The following SLC4A5 variants were observed in gnomAD, a reference collection of about 807,000 sequenced individuals.
The protein encoded by SLC4A5 is solute carrier family 4 member 5.
SLC4A5 carries 96 observed loss-of-function variants against 120.4 expected under a neutral mutation model. The observed-to-expected ratio is 0.80, with a 90% CI of 0.68 to 0.94. SLC4A5 has a LOEUF of 0.94. SLC4A5 is among the 40% of genes least tolerant of loss of function. The pLI, the probability that SLC4A5 is intolerant of heterozygous loss-of-function variation, is 0.00. For missense variants in SLC4A5, 1,259 were observed against 1,459.5 expected (o/e 0.86, Z 2.24); for synonymous variants, 550 against 571.1 (o/e 0.96, Z 0.53).
intron 8 of SLC4A5, among the ~76,000 whole-genome samples, chr2:74,279,073 ACT>A (rs759829983): frequency 9.2e-5 from 14 of 151,908 alleles, no homozygotes; most frequent in Middle Eastern, 3.4e-3. Context: ...CCTTTAAATG[ACT>A]CTCTTTTCCC....
In SLC4A5 at chr2:74,252,369, C is replaced by A. The variant is rs566298347; in HGVS notation, c.1288G>T (p.Ala430Ser). 1.9e-5 allele frequency: 30 copies of A among 1,613,468 alleles called. No homozygotes were observed. The East Asian group carries it at 6.0e-4, about 32-fold the overall frequency. The change falls in exon 16 of 31, where the codon GCA becomes TCA. Residue 430 changes from alanine (A) to serine (S), a missense_variant. Physicochemically the swap from Ala to Ser is moderately conservative, Grantham distance 99 (BLOSUM62 1). Coordinates refer to ENST00000394019, the Ensembl canonical transcript of SLC4A5. ...GAGCCATTCATCTGGCCCAGCTCTG[C>A]TAGGGAGAACACAGATTTCCTGGAA...
intron 7 of SLC4A5, among the ~76,000 whole-genome samples, chr2:74,302,040 C>A (rs930949729): frequency 2.6e-5 from 4 of 152,110 alleles, no homozygotes; most frequent in Non-Finnish European, 5.9e-5. Flanking sequence ...TGGAATAAAA[C>A]CCTAATTAGT....
intron 20 of SLC4A5, among the ~76,000 whole-genome samples, chr2:74,241,249 A>ATATTATTATTATTAT (rs145522219): frequency 0.013 from 1,807 of 140,754 alleles, 43 homozygotes; most frequent in African/African-American, 0.045. Flanking sequence ...TGTGCGTGTC[A>ATATTATTATTATTAT]TATTATTATT....
chr2:74,307,576 C>A, intron 6 of SLC4A5: 1 of 679,456 alleles, frequency 1.5e-6, no homozygotes, highest in South Asian at 1.4e-5. Context: ...TGGGCATTGT[C>A]CACAGTATTT....
exon 16 of SLC4A5, chr2:74,252,255 C>T (rs764542611): frequency 1.3e-5 from 21 of 1,607,618 alleles, no homozygotes; most frequent in Admixed American, 5.0e-5. Context: ...CTTGTTCCGC[C>T]GGCCCCGCCA....
chr2:74,252,098 T>A, intron 16 of SLC4A5, 81 bp downstream of exon 16: 2 of 1,476,452 alleles, frequency 1.4e-6, no homozygotes, highest in Non-Finnish European at 1.9e-6. Context: ...CAGACCATGG[T>A]TGGGAAAAGT....
At chr2:74,216,684 C>CTGCA (rs1164093253) in exon 31 of SLC4A5, 1 of 152,190 alleles carries the variant, frequency 6.6e-6, no homozygotes, top group African/African-American at 2.4e-5. Context: ...TTATAGCTCA[C>CTGCA]TGCAGCCTTG....
At chr2:74,248,284 C>T in intron 18 of SLC4A5, 69 bp downstream of exon 18, 2 of 1,574,356 alleles carry the variant, frequency 1.3e-6, no homozygotes, top group East Asian at 2.2e-5. Flanking sequence ...GACCTATTCC[C>T]CTGCCCTAGC....
At chr2:74,340,305 G>A (rs867327322) in intron 2 of SLC4A5, among the ~76,000 whole-genome samples, 1 of 152,180 alleles carries the variant, frequency 6.6e-6, no homozygotes, top group Non-Finnish European at 1.5e-5. Context: ...TGTGTTGTAT[G>A]AGCAACAACA....
chr2:74,261,486 G>A (rs1029567662), intron 11 of SLC4A5, among the ~76,000 whole-genome samples: 1 of 152,212 alleles, frequency 6.6e-6, no homozygotes, highest in African/African-American at 2.4e-5. Context: ...TAACATCTTG[G>A]CATTTTAGTA....
At chr2:74,223,266 A>C (rs563860602) in intron 28 of SLC4A5, among the ~76,000 whole-genome samples, 127 of 152,198 alleles carry the variant, frequency 8.3e-4, no homozygotes, top group African/African-American at 3.0e-3. Context: ...CGGCCTCCCA[A>C]AGTGCTGGGA....
rs911171210 is a variant in SLC4A5 at position 74,290,336 on chromosome 2, C to G, written c.272-4434G>C. On this transcript the variant is annotated intron_variant, in intron 7 of 30. Coordinates refer to ENST00000394019, the Ensembl canonical transcript of SLC4A5. ...TCCGCTGCTGCCTCCCTGGCTGCTA[C>G]TTCCACAGGTCCTCTTCTTCACACA... 5.3e-5 allele frequency: 52 copies of G among 985,370 alleles called. 1 individual carries two copies. The South Asian group carries it at 2.3e-3, about 43-fold the overall frequency. The allele number at this position is 985,370 out of a possible 1,614,324, so 61.0% of individuals were successfully genotyped here. A position where few individuals can be genotyped will look rare whatever the true frequency, so the allele number is the denominator to read the frequency against.
chr2:74,246,920 G>GT, intron 19 of SLC4A5, 116 bp downstream of exon 19: 1 of 1,354,666 alleles, frequency 7.4e-7, no homozygotes, highest in South Asian at 1.3e-5. Flanking sequence ...TCTTGGAACT[G>GT]TAAGCCCTTG....
intron 5 of SLC4A5, among the ~76,000 whole-genome samples, chr2:74,317,976 A>C (rs187219417): frequency 5.4e-4 from 82 of 152,386 alleles, no homozygotes; most frequent in Non-Finnish European, 8.4e-4. Context: ...AAAAAGTCCA[A>C]GGAAACAGGA....
rs561562151 is a variant in SLC4A5 at position 74,280,772 on chromosome 2, C to G, written c.401+5001G>C. Among the ~76,000 whole-genome samples, 138 of 152,142 alleles carry G rather than the reference C, an allele frequency of 9.1e-4. 4 individuals are homozygous for G. The South Asian group carries it at 0.027, about 30-fold the overall frequency. ...CGATCTCGGCTCCCTGCAACCTCCG[C>G]CTCCCAGGTTCAAGCAATTCTCCTG... On this transcript the variant is annotated intron_variant, in intron 8 of 30. Transcript: ENST00000394019.
intron 25 of SLC4A5, among the ~76,000 whole-genome samples, chr2:74,228,283 T>G (rs1694919275): frequency 6.6e-6 from 1 of 152,230 alleles, no homozygotes; most frequent in Non-Finnish European, 1.5e-5. Context: ...GCATGGGGAC[T>G]TTTAATGAGC....
At chr2:74,241,875 G>T in intron 20 of SLC4A5, 119 bp downstream of exon 20, 1 of 796,124 alleles carries the variant, frequency 1.3e-6, no homozygotes, top group Non-Finnish European at 2.1e-6. Flanking sequence ...CTGACGTGCA[G>T]CTGGAGTTGA....
chr2:74,225,359 G>T (rs1372629153), intron 27 of SLC4A5, among the ~76,000 whole-genome samples: 1 of 152,144 alleles, frequency 6.6e-6, no homozygotes, highest in African/African-American at 2.4e-5. Context: ...ACTTTGGGAG[G>T]CCGAGGTGGG....
chr2:74,255,660 C>A lies in SLC4A5; in HGVS notation c.1025+115G>T. ...GTCAGAAGATTTCCCTTCCCAGCAG[C>A]CTCCACGTTTAGAGGTGCCTTTGAG... On this transcript the variant is annotated intron_variant, in intron 13 of 30. Transcript: ENST00000394019. The surrounding 1 kb of genome is among the most constrained non-coding windows in gnomAD (Gnocchi z 4.0). The A allele has an allele frequency of 8.3e-7, 1 of 1,205,966 alleles. No individual in the cohort carries two copies. Among genetic ancestry groups the A allele is most frequent in the Non-Finnish European group, 1.2e-6 (1 of 863,450 alleles). The allele number at this position is 1,205,966 out of a possible 1,614,324, so 74.7% of individuals were successfully genotyped here.
Sources: gnomAD v4.1 joint callset for allele counts (sites outside exome capture counted in the v4.1 genomes callset) on GRCh38, gnomAD v4.1.1 for gene constraint, Gnocchi (gnomAD v3.1) non-coding constraint, MANE v1.5 for transcripts, NCBI Gene and HGNC (gene_info 2026-07-23, HGNC 2026-07-21) for gene names.